The following ZSCAN26 variants were observed in gnomAD, a reference collection of about 807,000 sequenced individuals.
ZSCAN26 encodes zinc finger and SCAN domain containing 26.
In ZSCAN26, 26 loss-of-function variants were observed where a neutral mutation model predicts 23.0. That is an observed-to-expected ratio of 1.13 (90% confidence interval 0.83 to 1.57). The LOEUF (loss-of-function observed/expected upper bound fraction) is 1.57. ZSCAN26 is among the 40% of genes most tolerant of loss of function. The pLI, the probability that ZSCAN26 is intolerant of heterozygous loss-of-function variation, is 0.00. For synonymous variants in ZSCAN26, 180 were observed against 202.5 expected (o/e 0.89, Z 0.94); for missense variants, 528 against 568.5 (o/e 0.93, Z 0.72).
chr6:28,272,085 C>T lies in ZSCAN26; in HGVS notation c.166C>T (p.Gln56Ter). Reference protein sequence around the residue: ...GQEPLCKQFRQLRYEETTGPR... With the variant: ...GQEPLCKQFR The stretch of plus-strand genomic sequence containing the variant: ...GGAGCCATTGTGCAAACAATTCAGG[C>T]AGTTGCGTTATGAAGAGACCACAGG... The change falls in exon 2 of 4, where the codon CAG becomes TAG. Residue 56 changes from glutamine (Q) to a stop codon, truncating the protein, a stop_gained. Coordinates refer to ENST00000421553, the MANE Select transcript of ZSCAN26 (RefSeq NM_001023560.4). LOFTEE classifies it high-confidence loss of function. The T allele has an allele frequency of 3.8e-6, 6 of 1,573,454 alleles. No homozygotes were observed. Among genetic ancestry groups the T allele is most frequent in the Non-Finnish European group, 5.2e-6 (6 of 1,159,036 alleles).
In ZSCAN26 at chr6:28,277,028, G is replaced by A. The variant is rs1321318811; in HGVS notation, c.1372G>A (p.Glu458Lys). The A allele has an allele frequency of 6.2e-7, 1 of 1,613,996 alleles. No individual in the cohort carries two copies. The highest frequency in any genetic ancestry group is 2.2e-5 in the East Asian group (1 of 44,882). The change falls in exon 4 of 4, where the codon GAA (glutamate) becomes AAA (lysine). Residue 458 changes from glutamate to lysine, a missense_variant. Physicochemically the swap from Glu to Lys is moderately conservative, Grantham distance 56. Coordinates refer to ENST00000421553, the MANE Select transcript of ZSCAN26 (RefSeq NM_001023560.4). ...EKPYQCSECG[E>K]AFRQRSGLFQ... The stretch of plus-strand genomic sequence containing the variant: ...ACCCTATCAGTGTAGTGAATGTGGA[G>A]AAGCCTTCAGGCAAAGGTCAGGTCT...
In ZSCAN26 at chr6:28,271,986, G is replaced by A. The variant is rs1270008484; in HGVS notation, c.67G>A (p.Val23Ile). 1.9e-6 allele frequency: 3 copies of A among 1,551,748 alleles called. No homozygotes were observed. In the South Asian group the frequency reaches 3.6e-5, roughly 18 times the overall value. Residue 23 changes from valine (V) to isoleucine (I), a missense_variant, in exon 2 of 4, where the codon GTA becomes ATA. Coordinates refer to ENST00000421553, the MANE Select transcript of ZSCAN26 (RefSeq NM_001023560.4). The stretch of plus-strand genomic sequence containing the variant: ...GAATCTGAAGAAGGAGGGGCTTCGG[G>A]TAGTGAGGGAGGATCACTACTCTAC... ...PLNLKKEGLR[V>I]VREDHYSTWE... is the part of the protein sequence containing the mutation.
In ZSCAN26 at chr6:28,276,507, A is replaced by C; in HGVS notation, c.851A>C (p.Gln284Pro). Residue 284 changes from glutamine (Q) to proline (P), a missense_variant, in exon 4 of 4, where the codon CAG (glutamine) becomes CCG (proline). Gln to Pro is a moderately conservative substitution (Grantham distance 76, BLOSUM62 -1). Coordinates refer to ENST00000421553, the MANE Select transcript of ZSCAN26 (RefSeq NM_001023560.4). ...KKVLSREKGHQCHECGKAFQR... is the reference protein window; with the variant it reads ...KKVLSREKGHPCHECGKAFQR... ...GTCCTCTCTAGAGAGAAAGGTCATC[A>C]GTGTCATGAGTGTGGGAAAGCCTTT... 6.2e-7 allele frequency: 1 copy of C among 1,613,990 alleles called. No individual in the cohort carries two copies. Among genetic ancestry groups the C allele is most frequent in the Non-Finnish European group, 8.5e-7 (1 of 1,179,872 alleles).
intron 1 of ZSCAN26, among the ~76,000 whole-genome samples, chr6:28,269,020 G>T (rs1191498113): frequency 3.9e-5 from 6 of 152,104 alleles, no homozygotes; most frequent in African/African-American, 1.2e-4. Flanking sequence ...GGCTGAGGGA[G>T]GAGAATCACT....
At chr6:28,275,991 G>C (rs1213933514) in intron 3 of ZSCAN26, among the ~76,000 whole-genome samples, 2 of 152,140 alleles carry the variant, frequency 1.3e-5, no homozygotes, top group Non-Finnish European at 2.9e-5. Context: ...CCTCCCACCA[G>C]AATTCCCCAT....
At chr6:28,267,353 G>A (rs1761485997) in intron 1 of ZSCAN26, 140 bp downstream of exon 1, 1 of 152,288 alleles carries the variant, frequency 6.6e-6, no homozygotes, top group African/African-American at 2.4e-5. Context: ...GTCGGCCCTG[G>A]GGCCTATGAG....
At chr6:28,269,345 A>G (rs1007072657) in intron 1 of ZSCAN26, among the ~76,000 whole-genome samples, 1 of 152,210 alleles carries the variant, frequency 6.6e-6, no homozygotes, top group African/African-American at 2.4e-5. Context: ...TTATGTATAT[A>G]TATACATATG....
Position 28,272,285 on chromosome 6 carries a change from G to T in ZSCAN26, c.366G>T (p.Val122=), listed in dbSNP as rs896748750. 7 of 1,593,918 alleles carry T rather than the reference G, an allele frequency of 4.4e-6. No individual in the cohort carries two copies. The African/African-American group carries it at 8.1e-5, about 18-fold the overall frequency. Residue 122 remains valine, a synonymous_variant, in exon 2 of 4, where the codon GTG becomes GTT. Coordinates refer to ENST00000421553, the MANE Select transcript of ZSCAN26 (RefSeq NM_001023560.4). ...ATCACCCAGAGAGCAGGGAGGACGT[G>T]GTTGTTGTTCTGGAGGATTTGCAGC... ...QEHHPESRED[V]VVVLEDLQLD... is the part of the protein sequence containing the mutation.
At chr6:28,275,968 T>G (rs928857273) in intron 3 of ZSCAN26, among the ~76,000 whole-genome samples, 1 of 152,172 alleles carries the variant, frequency 6.6e-6, no homozygotes, top group African/African-American at 2.4e-5. Context: ...TTTAAACTAT[T>G]TAAAATAAGT....
At chr6:28,271,392 C>G (rs1761676895) in intron 1 of ZSCAN26, among the ~76,000 whole-genome samples, 1 of 151,080 alleles carries the variant, frequency 6.6e-6, no homozygotes, top group Non-Finnish European at 1.5e-5. Context: ...CTTTTTCTCT[C>G]TTTTCTTCCT....
rs746242568 is a variant in ZSCAN26, at chr6:28,272,684, A to G, written c.435A>G (p.Pro145=). 1 of 1,606,818 alleles carries G rather than the reference A, an allele frequency of 6.2e-7. No individual in the cohort carries two copies. The highest frequency in any genetic ancestry group is 1.1e-5 in the South Asian group (1 of 89,334). The change falls in exon 3 of 4, where the codon CCA becomes CCG. Residue 145 remains proline (P), a synonymous_variant. Coordinates refer to ENST00000421553, the MANE Select transcript of ZSCAN26 (RefSeq NM_001023560.4). ...ATTGTCCCTAGGACCCAGACCAGCC[A>G]AAGAAACAAAAAATACTTGTGGAGG... ...ETGQQVDPDQ[P]KKQKILVEEM...
intron 1 of ZSCAN26, among the ~76,000 whole-genome samples, chr6:28,270,884 C>T (rs775738738): frequency 2.6e-5 from 4 of 152,224 alleles, no homozygotes; most frequent in Admixed American, 6.5e-5. Context: ...TAGCATTTCA[C>T]ACTCTTGAAC....
chr6:28,271,429 G>C (rs898471393), intron 1 of ZSCAN26, among the ~76,000 whole-genome samples: 3 of 150,302 alleles, frequency 2.0e-5, no homozygotes, highest in African/African-American at 7.4e-5. Context: ...TGCTCTGGTT[G>C]CCCAGGCTGA....
intron 1 of ZSCAN26, among the ~76,000 whole-genome samples, chr6:28,269,687 A>C (rs942962213): frequency 1.3e-5 from 2 of 152,172 alleles, no homozygotes; most frequent in African/African-American, 4.8e-5. Context: ...TTAGACAGGA[A>C]GAATTCTCTT....
chr6:28,276,592 G>C lies in ZSCAN26; in HGVS notation c.936G>C (p.Gln312His). 6.2e-7 allele frequency: 1 copy of C among 1,612,920 alleles called. No individual in the cohort carries two copies. The highest frequency in any genetic ancestry group is 8.5e-7 in the Non-Finnish European group (1 of 1,179,416). ...TCCATCTTGGTGAGAAGCCTTATCAGTGCAATGAGTGTGGCAAAGTCTTTA... is the reference window on the plus strand; with the variant it reads ...TCCATCTTGGTGAGAAGCCTTATCACTGCAATGAGTGTGGCAAAGTCTTTA... ...QKIHLGEKPY[Q>H]CNECGKVFSQ... is the part of the protein sequence containing the mutation. Residue 312 changes from glutamine to histidine, a missense_variant, in exon 4 of 4, where the codon CAG becomes CAC. Coordinates refer to ENST00000421553, the MANE Select transcript of ZSCAN26 (RefSeq NM_001023560.4).
chr6:28,276,072 G>C (rs1761915466), intron 3 of ZSCAN26, 123 bp from the exon 4 acceptor site: 6 of 804,098 alleles, frequency 7.5e-6, no homozygotes, highest in Non-Finnish European at 1.2e-5. Flanking sequence ...GCAATCACAA[G>C]CATCCACAAT....
At chr6:28,275,045 C>T (rs1280385193) in intron 3 of ZSCAN26, among the ~76,000 whole-genome samples, 2 of 152,114 alleles carry the variant, frequency 1.3e-5, no homozygotes, top group African/African-American at 4.8e-5. Flanking sequence ...ACCTTCCTTT[C>T]TCTGATGTCT....
chr6:28,273,661 A>G (rs1182455935), intron 3 of ZSCAN26, among the ~76,000 whole-genome samples: 3 of 148,042 alleles, frequency 2.0e-5, no homozygotes, highest in Non-Finnish European at 4.5e-5. Context: ...AATGGCCACT[A>G]TCTTTCATTT....
chr6:28,274,600 C>G (rs900473832), intron 3 of ZSCAN26, among the ~76,000 whole-genome samples: 1 of 152,076 alleles, frequency 6.6e-6, no homozygotes, highest in Non-Finnish European at 1.5e-5. Context: ...AATAGCTAGG[C>G]GTGGTGGCAT....
Sources: gnomAD v4.1 joint callset for allele counts (sites outside exome capture counted in the v4.1 genomes callset) on GRCh38, gnomAD v4.1.1 for gene constraint, MANE v1.5 for transcripts, NCBI Gene and HGNC (gene_info 2026-07-23, HGNC 2026-07-21) for gene names.